Variants in KCNK5 observed in about 807,000 individuals in gnomAD.
KCNK5 encodes the protein potassium two pore domain channel subfamily K member 5.
A neutral mutation model predicts 32.9 loss-of-function variants in KCNK5; 18 were observed. That is an observed-to-expected ratio of 0.55 (90% confidence interval 0.38 to 0.81). KCNK5 has a LOEUF of 0.81. KCNK5 is among the 30% of genes least tolerant of loss of function. The pLI is 0.00. For synonymous variants in KCNK5, 276 were observed against 275.3 expected, an observed-to-expected ratio of 1.00 and a Z score of -0.03; for missense variants, 507 against 651.0, an observed-to-expected ratio of 0.78 and a Z score of 2.41.
intron 1 of KCNK5, among the ~76,000 whole-genome samples, chr6:39,197,977 A>G (rs150557640): frequency 6.5e-4 from 99 of 152,332 alleles, no homozygotes; most frequent in African/African-American, 2.0e-3. Context: ...AAATTCAGAA[A>G]ACAAACCTGA....
chr6:39,216,597 A>G (rs1771443049), intron 1 of KCNK5, among the ~76,000 whole-genome samples: 1 of 152,176 alleles, frequency 6.6e-6, no homozygotes, highest in Admixed American at 6.5e-5. Flanking sequence ...TCAGGCCACT[A>G]ACTAGCTATG....
chr6:39,227,113 C>T (rs1474259745), intron 1 of KCNK5, among the ~76,000 whole-genome samples: 2 of 151,874 alleles, frequency 1.3e-5, no homozygotes, highest in Non-Finnish European at 2.9e-5. Flanking sequence ...GGACCCCGCC[C>T]CCCCCGCCGT....
chr6:39,216,569 G>T (rs1434275271), intron 1 of KCNK5, among the ~76,000 whole-genome samples: 1 of 152,156 alleles, frequency 6.6e-6, no homozygotes, highest in Non-Finnish European at 1.5e-5. Context: ...TCTGGCTCTG[G>T]ACTCAGAGGG....
intron 1 of KCNK5, among the ~76,000 whole-genome samples, chr6:39,208,668 A>AG (rs1335555472): frequency 2.0e-5 from 3 of 152,330 alleles, no homozygotes; most frequent in African/African-American, 2.4e-5. Flanking sequence ...CATTCTGTGC[A>AG]GGGGGGGAGG....
chr6:39,218,181 C>T (rs1160550694), intron 1 of KCNK5, among the ~76,000 whole-genome samples: 1 of 151,780 alleles, frequency 6.6e-6, no homozygotes, highest in Non-Finnish European at 1.5e-5. Flanking sequence ...AGCGATTCTC[C>T]TGCCTCAGCC....
Position 39,229,000 on chromosome 6 carries a change from A to T in KCNK5, c.112T>A (p.Tyr38Asn), listed in dbSNP as rs1173669371. The T allele has an allele frequency of 6.2e-7, 1 of 1,614,040 alleles. No homozygotes were observed. Among genetic ancestry groups the T allele is most frequent in the Non-Finnish European group, 8.5e-7 (1 of 1,180,028 alleles). ...AGCAGATGCAGCTTCTGTGTGTAGTAGTTTTTCTTGGCCTCCTTCCAGTGT... is the reference window on the plus strand; with the variant it reads ...AGCAGATGCAGCTTCTGTGTGTAGTTGTTTTTCTTGGCCTCCTTCCAGTGT... Reference protein sequence around the residue: ...EPHWKEAKKNYYTQKLHLLKE... With the variant: ...EPHWKEAKKNNYTQKLHLLKE... Residue 38 changes from tyrosine (Y) to asparagine (N), a missense_variant, in exon 1 of 5, where the codon TAC (tyrosine) becomes AAC (asparagine). Around this residue, in one of 6 missense-constraint regions of KCNK5, gnomAD observed 143 missense variants for 219.1 expected, o/e 0.65. Coordinates refer to ENST00000359534, the MANE Select transcript of KCNK5 (RefSeq NM_003740.4).
chr6:39,194,488 G>C lies in KCNK5; in HGVS notation c.465+106C>G. Reference sequence around the variant, plus strand: ...CAAGGAGCTCTGAAACTATCCTCTTGCCATCTGTCCTTACACCCTTGGTCC... The same window carrying C: ...CAAGGAGCTCTGAAACTATCCTCTTCCCATCTGTCCTTACACCCTTGGTCC... On this transcript the variant is annotated intron_variant, in intron 3 of 4. Coordinates refer to ENST00000359534, the MANE Select transcript of KCNK5 (RefSeq NM_003740.4). The surrounding 1 kb of genome is among the most constrained non-coding windows in gnomAD (Gnocchi z 4.7). 1 of 1,443,794 alleles carries C rather than the reference G, an allele frequency of 6.9e-7. No individual in the cohort carries two copies. Among genetic ancestry groups the C allele is most frequent in the Non-Finnish European group, 9.4e-7 (1 of 1,058,670 alleles). The allele number at this position is 1,443,794 out of a possible 1,614,324, so 89.4% of individuals were successfully genotyped here.
At position 39,210,444 on chromosome 6, in the gene KCNK5, C is replaced by A. The variant is rs537681757; in HGVS notation, c.187-14457G>T. On this transcript the variant is annotated intron_variant, in intron 1 of 4. Transcript: ENST00000359534. ...TGGGCCATGCCCCTCTTTGGAGGCA[C>A]AAAAATGTAGCTGGGCACACCTGCT... 7.2e-5 allele frequency among the ~76,000 whole-genome samples: 11 copies of A among 152,328 alleles called. No individual in the cohort carries two copies. The South Asian group carries it at 2.3e-3, about 32-fold the overall frequency.
chr6:39,209,411 C>G (rs1457017375), intron 1 of KCNK5, among the ~76,000 whole-genome samples: 1 of 152,174 alleles, frequency 6.6e-6, no homozygotes, highest in African/African-American at 2.4e-5. Flanking sequence ...CCATCCATCC[C>G]CAGCCAACTG....
intron 1 of KCNK5, among the ~76,000 whole-genome samples, chr6:39,203,834 G>C (rs1034604026): frequency 1.3e-5 from 2 of 152,250 alleles, no homozygotes; most frequent in Non-Finnish European, 1.5e-5. Context: ...AAGCTGACAG[G>C]GGGAGGGAGG....
intron 1 of KCNK5, among the ~76,000 whole-genome samples, chr6:39,208,856 G>A (rs985106276): frequency 3.3e-5 from 5 of 152,226 alleles, no homozygotes; most frequent in African/African-American, 7.2e-5. Flanking sequence ...TTGGGAGGCC[G>A]AAACTGGCAG....
rs938149442 is a variant in KCNK5, at chr6:39,191,863, G to A, written c.635-108C>T. The A allele has an allele frequency of 1.2e-4, 145 of 1,220,352 alleles. No homozygotes were observed. The highest frequency in any genetic ancestry group is 1.6e-4 in the Non-Finnish European group (138 of 870,946). The allele number at this position is 1,220,352 out of a possible 1,614,324, so 75.6% of individuals were successfully genotyped here. A position where few individuals can be genotyped will look rare whatever the true frequency, so the allele number is the denominator to read the frequency against. The stretch of plus-strand genomic sequence containing the variant: ...CAGGGGTCAGGCCAGAGCACAGGAC[G>A]GGGGTGCAGTGGGATAGAAAGGGGC... On this transcript the variant is annotated intron_variant, in intron 4 of 4. Coordinates refer to ENST00000359534, the MANE Select transcript of KCNK5 (RefSeq NM_003740.4). The surrounding 1 kb of genome is among the most constrained non-coding windows in gnomAD (Gnocchi z 5.8).
In KCNK5 at chr6:39,228,999, T is replaced by C. The variant is rs927000398; in HGVS notation, c.113A>G (p.Tyr38Cys). The C allele has an allele frequency of 5.0e-6, 8 of 1,614,168 alleles. No homozygotes were observed. The highest frequency in any genetic ancestry group is 3.3e-4 in the Middle Eastern group (2 of 6,062). Reference sequence around the variant, plus strand: ...GAGCAGATGCAGCTTCTGTGTGTAGTAGTTTTTCTTGGCCTCCTTCCAGTG... The same window carrying C: ...GAGCAGATGCAGCTTCTGTGTGTAGCAGTTTTTCTTGGCCTCCTTCCAGTG... Reference protein sequence around the residue: ...EPHWKEAKKNYYTQKLHLLKE... With the variant: ...EPHWKEAKKNCYTQKLHLLKE... Residue 38 changes from tyrosine (Y) to cysteine (C), a missense_variant, in exon 1 of 5, where the codon TAC becomes TGC. Transcript: ENST00000359534.
intron 2 of KCNK5, among the ~76,000 whole-genome samples, chr6:39,195,375 G>T (rs1162446352): frequency 2.6e-5 from 4 of 152,312 alleles, no homozygotes; most frequent in African/African-American, 9.6e-5. Flanking sequence ...AGCCATCTGG[G>T]CCATCAGATG....
chr6:39,226,541 C>A (rs936882667), intron 1 of KCNK5, among the ~76,000 whole-genome samples: 1 of 152,112 alleles, frequency 6.6e-6, no homozygotes, highest in Non-Finnish European at 1.5e-5. Flanking sequence ...CTGGTTGTAC[C>A]CCAGGAATTC....
rs765526765 is a variant in KCNK5 at position 39,196,004 on chromosome 6, T to C, written c.187-17A>G. On this transcript the variant is annotated splice_polypyrimidine_tract_variant and intron_variant, in intron 1 of 4. Coordinates refer to ENST00000359534, the MANE Select transcript of KCNK5 (RefSeq NM_003740.4). ...AGATACCACCTAAAATGAGAAACAGTAAAGGTCAGAGCTGAGGCCACACTT... is the reference window on the plus strand; with the variant it reads ...AGATACCACCTAAAATGAGAAACAGCAAAGGTCAGAGCTGAGGCCACACTT... The C allele has an allele frequency of 4.0e-5, 64 of 1,592,602 alleles. No individual in the cohort carries two copies. Among genetic ancestry groups the C allele is most frequent in the Non-Finnish European group, 4.3e-6 (5 of 1,162,772 alleles).
chr6:39,202,450 A>G (rs988575078), intron 1 of KCNK5, among the ~76,000 whole-genome samples: 1 of 152,142 alleles, frequency 6.6e-6, no homozygotes, highest in Non-Finnish European at 1.5e-5. Flanking sequence ...AGGAGAGGGC[A>G]GGGGGCAGGA....
Position 39,191,849 on chromosome 6 carries a change from C to T in KCNK5, c.635-94G>A. On this transcript the variant is annotated intron_variant, in intron 4 of 4. Transcript: ENST00000359534. This position sits in a 1 kb window ranked among gnomAD's most constrained non-coding sequence, Gnocchi z 5.8. ...CTGTGTGATCTGAGCAGGGGTCAGG[C>T]CAGAGCACAGGACGGGGGTGCAGTG... The T allele has an allele frequency of 7.3e-7, 1 of 1,371,540 alleles. No individual in the cohort carries two copies. Among genetic ancestry groups the T allele is most frequent in the African/African-American group, 1.4e-5 (1 of 69,462 alleles). The allele number at this position is 1,371,540 out of a possible 1,614,324, so 85.0% of individuals were successfully genotyped here. A position where few individuals can be genotyped will look rare whatever the true frequency, so the allele number is the denominator to read the frequency against.
intron 1 of KCNK5, among the ~76,000 whole-genome samples, chr6:39,208,879 C>T (rs1203168659): frequency 6.6e-6 from 1 of 152,206 alleles, no homozygotes; most frequent in Non-Finnish European, 1.5e-5. Context: ...CATCTGAGGT[C>T]AGGAGTTTGA....
Sources: allele counts gnomAD v4.1 joint callset (sites outside exome capture counted in the v4.1 genomes callset), GRCh38; gene constraint gnomAD v4.1.1; regional missense constraint gnomAD v4.1.1; non-coding constraint Gnocchi (gnomAD v3.1); transcripts MANE v1.5; gene names NCBI Gene and HGNC (gene_info 2026-07-23, HGNC 2026-07-21).